The following TENM2 variants were observed in gnomAD, a reference collection of about 807,000 sequenced individuals.
TENM2 encodes the protein teneurin transmembrane protein 2.
In TENM2, 52 loss-of-function variants were observed where a neutral mutation model predicts 245.2. That is an observed-to-expected ratio of 0.21 (90% CI 0.17 to 0.27). The LOEUF is 0.27. TENM2 is among the 10% of genes least tolerant of loss of function. The probability of loss-of-function intolerance (pLI) is 1.00; values close to 1 mark genes in which losing one functional copy is unlikely to be tolerated. For synonymous variants in TENM2, 1,363 were observed against 1,438.9 expected (o/e 0.95, Z 1.19); for missense variants, 3,046 against 3,666.8 (o/e 0.83, Z 4.37).
At chr5:168,015,952 C>T (rs1052363407) in intron 5 of TENM2, among the ~76,000 whole-genome samples, 2 of 152,158 alleles carry the variant, frequency 1.3e-5, no homozygotes, top group Non-Finnish European at 2.9e-5. Context: ...GTAACTTGCC[C>T]AAGGTTGCAC....
chr5:168,005,356 T>C (rs1784741082), intron 5 of TENM2, among the ~76,000 whole-genome samples: 1 of 152,096 alleles, frequency 6.6e-6, no homozygotes, highest in Non-Finnish European at 1.5e-5. Flanking sequence ...TGAAAAAAAA[T>C]ACAGAGATCA....
chr5:167,526,760 A>G (rs999974310), intron 2 of TENM2, among the ~76,000 whole-genome samples: 1 of 152,044 alleles, frequency 6.6e-6, no homozygotes, highest in Non-Finnish European at 1.5e-5. Context: ...TCTACCATAG[A>G]TAATGCTTTC....
intron 2 of TENM2, among the ~76,000 whole-genome samples, chr5:167,708,808 T>A (rs537151653): frequency 6.6e-6 from 1 of 152,186 alleles, no homozygotes; most frequent in Non-Finnish European, 1.5e-5. Context: ...ACTAATACTA[T>A]ATATGTTAAA....
chr5:168,170,743 A>G lies in TENM2; in HGVS notation c.2569+7986A>G, dbSNP rs1199852581. Among the ~76,000 whole-genome samples, 3 of 152,190 alleles carry G rather than the reference A, an allele frequency of 2.0e-5. 1 individual carries two copies. Among genetic ancestry groups the G allele is most frequent in the African/African-American group, 7.2e-5 (3 of 41,446 alleles). ...CCGTCTGCTCTCTGTTCCTCCACACAGCAGCCAGAGGGAGTGTTTTAGTAG... is the reference window on the plus strand; with the variant it reads ...CCGTCTGCTCTCTGTTCCTCCACACGGCAGCCAGAGGGAGTGTTTTAGTAG... On this transcript the variant is annotated intron_variant, in intron 13 of 28. Coordinates refer to ENST00000518659, the Ensembl canonical transcript of TENM2.
intron 7 of TENM2, among the ~76,000 whole-genome samples, chr5:168,074,341 C>A (rs912937400): frequency 1.3e-5 from 2 of 152,070 alleles, no homozygotes; most frequent in African/African-American, 2.4e-5. Flanking sequence ...CCACCAAAGC[C>A]CCTGCCAACC....
intron 2 of TENM2, among the ~76,000 whole-genome samples, chr5:167,737,618 G>A (rs1760892064): frequency 6.6e-6 from 1 of 152,146 alleles, no homozygotes; most frequent in African/African-American, 2.4e-5. Flanking sequence ...ATGCTGGGGA[G>A]TCCAGACACA....
chr5:167,682,817 T>A lies in TENM2; in HGVS notation c.503-193169T>A, dbSNP rs1226358502. ...TCAGGCAAACTGGGGACCCTGGCTG[T>A]AACAGCAAGACTTATGGTATTAGAT... On this transcript the variant is annotated intron_variant, in intron 2 of 28. Coordinates refer to ENST00000518659, the Ensembl canonical transcript of TENM2. 2.6e-5 allele frequency among the ~76,000 whole-genome samples: 4 copies of A among 152,290 alleles called. No individual in the cohort carries two copies. In the South Asian group the frequency reaches 8.3e-4, roughly 32 times the overall value.
chr5:167,684,753 C>T (rs1373063430), intron 2 of TENM2, among the ~76,000 whole-genome samples: 1 of 152,154 alleles, frequency 6.6e-6, no homozygotes, highest in Non-Finnish European at 1.5e-5. Flanking sequence ...AATAAGAATA[C>T]TCATCTTTAC....
chr5:168,077,274 T>C (rs1791559968), intron 7 of TENM2, among the ~76,000 whole-genome samples: 1 of 152,216 alleles, frequency 6.6e-6, no homozygotes, highest in Non-Finnish European at 1.5e-5. Flanking sequence ...TGTGTCACCT[T>C]GTAGGTATAC....
At chr5:167,396,086 G>A (rs1762033796) in intron 2 of TENM2, among the ~76,000 whole-genome samples, 1 of 152,090 alleles carries the variant, frequency 6.6e-6, no homozygotes, top group African/African-American at 2.4e-5. Flanking sequence ...ATTACCCTAT[G>A]ATCTAGCATT....
intron 2 of TENM2, among the ~76,000 whole-genome samples, chr5:167,701,949 A>G (rs1035276776): frequency 1.3e-5 from 2 of 152,202 alleles, no homozygotes; most frequent in Non-Finnish European, 1.5e-5. Flanking sequence ...TTCCTTCTAG[A>G]GAATATTTGT....
chr5:168,217,236 T>C (rs991143780), intron 22 of TENM2, among the ~76,000 whole-genome samples: 2 of 152,230 alleles, frequency 1.3e-5, no homozygotes, highest in Non-Finnish European at 2.9e-5. Flanking sequence ...CCATCATTAT[T>C]GCAGGTTTGA....
chr5:167,894,421 C>T (rs926488235), intron 3 of TENM2, among the ~76,000 whole-genome samples: 1 of 151,664 alleles, frequency 6.6e-6, no homozygotes, highest in Non-Finnish European at 1.5e-5. Context: ...GGCTAACATT[C>T]ATAACTTCAG....
intron 12 of TENM2, among the ~76,000 whole-genome samples, chr5:168,130,911 C>T (rs372868600): frequency 6.6e-6 from 1 of 152,086 alleles, no homozygotes; most frequent in African/African-American, 2.4e-5. Flanking sequence ...TGGTACCTAA[C>T]ATCAAAAGGC....
intron 2 of TENM2, among the ~76,000 whole-genome samples, chr5:167,871,903 G>T (rs1772858283): frequency 6.6e-6 from 1 of 152,156 alleles, no homozygotes; most frequent in Non-Finnish European, 1.5e-5. Context: ...TTTGGAACCT[G>T]TTTGTGTCTG....
Position 168,162,267 on chromosome 5 carries a change from G to A in TENM2, c.2423-344G>A, listed in dbSNP as rs575155886. Among the ~76,000 whole-genome samples, 15 of 152,290 alleles carry A rather than the reference G, an allele frequency of 9.8e-5. 1 individual carries two copies. The South Asian group carries it at 3.1e-3, about 32-fold the overall frequency. On this transcript the variant is annotated intron_variant, in intron 12 of 28. Coordinates refer to ENST00000518659, the Ensembl canonical transcript of TENM2. ...GAGAAAGAAAAGCTTCTTTTCAGTA[G>A]CATCAATCCTGAGCTATTGGCTGGA...
At chr5:167,355,886 T>TTTA (rs397732006) in intron 1 of TENM2, among the ~76,000 whole-genome samples, 4 of 150,142 alleles carry the variant, frequency 2.7e-5, no homozygotes, top group African/African-American at 9.8e-5. Flanking sequence ...TTTTTTTTTT[T>TTTA]AAAGCTAGGA....
At chr5:167,208,550 G>T in the TENM2 span, among the ~76,000 whole-genome samples, 1 of 152,206 alleles carries the variant, frequency 6.6e-6, no homozygotes, top group African/African-American at 2.4e-5. Context: ...CATAGAGAAT[G>T]CAGATATTAT....
intron 1 of TENM2, among the ~76,000 whole-genome samples, chr5:167,337,710 G>A (rs766877995): frequency 5.3e-5 from 8 of 152,134 alleles, no homozygotes; most frequent in Non-Finnish European, 1.0e-4. Context: ...GCAAAAAGAC[G>A]TGATCCATGG....
Sources: gnomAD v4.1 joint callset for allele counts (sites outside exome capture counted in the v4.1 genomes callset) on GRCh38, gnomAD v4.1.1 for gene constraint, MANE v1.5 for transcripts, NCBI Gene and HGNC (gene_info 2026-07-23, HGNC 2026-07-21) for gene names.